Variants in CTNNA3 observed in about 807,000 individuals in gnomAD.
CTNNA3 encodes catenin alpha-3.
Under a neutral mutation model 95.7 loss-of-function variants are expected in CTNNA3, and 76 were observed. That is an observed-to-expected ratio of 0.79 (90% CI 0.66 to 0.96). The LOEUF is 0.96. Among genes scored for constraint, CTNNA3 ranks in the 40% least tolerant of loss-of-function variants. The probability of loss-of-function intolerance (pLI) is 0.00; values close to 1 mark genes in which losing one functional copy is unlikely to be tolerated. For missense variants in CTNNA3, 1,191 were observed against 1,089.8 expected, an observed-to-expected ratio of 1.09 and a Z score of -1.31; for synonymous variants, 431 against 374.4, an observed-to-expected ratio of 1.15 and a Z score of -1.74.
intron 13 of CTNNA3, among the ~76,000 whole-genome samples, chr10:66,141,395 G>T (rs111248744): frequency 6.6e-6 from 1 of 151,788 alleles, no homozygotes; most frequent in Non-Finnish European, 1.5e-5. Flanking sequence ...TTACATTAAA[G>T]AATATTGTTA....
intron 13 of CTNNA3, among the ~76,000 whole-genome samples, chr10:66,272,735 A>G (rs2132134948): frequency 1.3e-5 from 2 of 152,314 alleles, no homozygotes; most frequent in Admixed American, 1.3e-4. Flanking sequence ...AAACTCACTT[A>G]GCATATACTT....
At chr10:66,731,833 G>C (rs547026293) in intron 9 of CTNNA3, among the ~76,000 whole-genome samples, 1 of 152,138 alleles carries the variant, frequency 6.6e-6, no homozygotes, top group Non-Finnish European at 1.5e-5. Context: ...GTTTCCGGAT[G>C]ACATTCCAAA....
In CTNNA3 at chr10:67,617,837, G is replaced by T. The variant is rs552669726; in HGVS notation, c.100-10788C>A. Among the ~76,000 whole-genome samples, 3 of 147,468 alleles carry T rather than the reference G, an allele frequency of 2.0e-5. No homozygotes were observed. In the East Asian group the frequency reaches 5.9e-4, roughly 29 times the overall value. ...TGAAATGTTATCTCATTGTGGTTTT[G>T]ATTTGCATTTCTCTAATGATCAGTG... On this transcript the variant is annotated intron_variant, in intron 2 of 17. Transcript: ENST00000433211.
intron 11 of CTNNA3, among the ~76,000 whole-genome samples, chr10:66,499,963 T>C (rs1451710734): frequency 6.6e-6 from 1 of 151,978 alleles, no homozygotes; most frequent in Non-Finnish European, 1.5e-5. Flanking sequence ...CCACCATGCC[T>C]GGCTCATTTT....
At chr10:66,415,498 T>C (rs2394214) in intron 11 of CTNNA3, among the ~76,000 whole-genome samples, 52,505 of 151,888 alleles carry the variant, frequency 0.35, 9,804 homozygotes, top group African/African-American at 0.48. Context: ...AAGAACCCAC[T>C]TACCTGCTCA....
chr10:67,511,485 G>T (rs990882667), intron 5 of CTNNA3, among the ~76,000 whole-genome samples: 2 of 152,192 alleles, frequency 1.3e-5, no homozygotes, highest in Non-Finnish European at 2.9e-5. Context: ...CTGTTTATGT[G>T]ATGGATTATG....
chr10:66,682,720 T>C (rs1847111933), intron 9 of CTNNA3, among the ~76,000 whole-genome samples: 1 of 151,908 alleles, frequency 6.6e-6, no homozygotes, highest in Non-Finnish European at 1.5e-5. Flanking sequence ...TACAGGTTTG[T>C]TATATGGGTA....
chr10:66,210,823 A>G (rs1247023981), intron 13 of CTNNA3, among the ~76,000 whole-genome samples: 1 of 152,248 alleles, frequency 6.6e-6, no homozygotes, highest in Non-Finnish European at 1.5e-5. Flanking sequence ...TTGTGTTTAG[A>G]ACGTGATCTA....
intron 5 of CTNNA3, among the ~76,000 whole-genome samples, chr10:67,322,348 G>A (rs951629251): frequency 6.6e-6 from 1 of 152,116 alleles, no homozygotes; most frequent in Admixed American, 6.6e-5. Context: ...GTACCCAGTG[G>A]TTATTTTTCC....
chr10:65,983,907 C>T (rs2078373219), intron 16 of CTNNA3, among the ~76,000 whole-genome samples: 1 of 151,152 alleles, frequency 6.6e-6, no homozygotes, highest in Admixed American at 6.6e-5. Flanking sequence ...AAAGGCCAAG[C>T]AAGCAGAATG....
chr10:67,410,591 G>A (rs1481987506), intron 5 of CTNNA3, among the ~76,000 whole-genome samples: 1 of 148,862 alleles, frequency 6.7e-6, no homozygotes, highest in Non-Finnish European at 1.5e-5. Flanking sequence ...TGGTCAGAAT[G>A]TAAATTAGTA....
At chr10:66,832,044 C>A (rs900459003) in intron 7 of CTNNA3, among the ~76,000 whole-genome samples, 5 of 152,188 alleles carry the variant, frequency 3.3e-5, no homozygotes, top group African/African-American at 1.2e-4. Flanking sequence ...TACCTACGTA[C>A]ACAGCCACTC....
chr10:65,920,798 C>A (rs982704137), intron 17 of CTNNA3, among the ~76,000 whole-genome samples, 181 bp from the exon 18 acceptor site: 1 of 151,850 alleles, frequency 6.6e-6, no homozygotes, highest in African/African-American at 2.4e-5. Flanking sequence ...TGCACCGCAG[C>A]CTGGGTGACA....
At chr10:66,280,759 G>C (rs1044973386) in intron 12 of CTNNA3, 138 bp from the exon 13 acceptor site, 1 of 577,122 alleles carries the variant, frequency 1.7e-6, no homozygotes. Flanking sequence ...TAAATATAGA[G>C]ATACACAAAT....
intron 1 of CTNNA3, among the ~76,000 whole-genome samples, chr10:67,718,917 T>A (rs894962229): frequency 6.6e-6 from 1 of 152,202 alleles, no homozygotes; most frequent in Non-Finnish European, 1.5e-5. Context: ...AATTCGGCTG[T>A]GAAGACATCT....
At chr10:67,059,976 T>G (rs2133214888) in intron 7 of CTNNA3, among the ~76,000 whole-genome samples, 1 of 152,228 alleles carries the variant, frequency 6.6e-6, no homozygotes, top group East Asian at 1.9e-4. Context: ...GAGATAAAAT[T>G]AGCACTAATA....
At chr10:66,721,822 A>G (rs1162398026) in intron 9 of CTNNA3, among the ~76,000 whole-genome samples, 2 of 152,190 alleles carry the variant, frequency 1.3e-5, no homozygotes, top group African/African-American at 2.4e-5. Context: ...AAGCACTGTG[A>G]TAGGCACTTT....
intron 7 of CTNNA3, among the ~76,000 whole-genome samples, chr10:67,122,673 G>T (rs1859529929): frequency 6.6e-6 from 1 of 152,036 alleles, no homozygotes; most frequent in Non-Finnish European, 1.5e-5. Context: ...TTTGTTTCCA[G>T]ATTTAAAAAG....
chr10:66,785,367 G>A (rs1009398170), intron 7 of CTNNA3, among the ~76,000 whole-genome samples: 1 of 152,164 alleles, frequency 6.6e-6, no homozygotes, highest in Non-Finnish European at 1.5e-5. Flanking sequence ...ATCTGGATAA[G>A]TAGACCCAGT....
Sources: gnomAD v4.1 joint callset for allele counts (sites outside exome capture counted in the v4.1 genomes callset) on GRCh38, gnomAD v4.1.1 for gene constraint, MANE v1.5 for transcripts, NCBI Gene and HGNC (gene_info 2026-07-23, HGNC 2026-07-21) for gene names.